TAFA2: variants seen among roughly 807,000 people sequenced by gnomAD.
TAFA2 encodes the protein chemokine-like protein TAFA-2.
In TAFA2, 7 loss-of-function variants were observed where a neutral mutation model predicts 18.8. The ratio of observed to expected loss-of-function variants is 0.37; its 90% CI spans 0.21 to 0.70. TAFA2 has a LOEUF of 0.70. Among genes scored for constraint, TAFA2 ranks in the 30% least tolerant of loss-of-function variants. The pLI, the probability that TAFA2 is intolerant of heterozygous loss-of-function variation, is 0.53. For synonymous variants in TAFA2, 60 were observed against 54.2 expected (o/e 1.11, Z -0.47); for missense variants, 122 against 158.1 (o/e 0.77, Z 1.23).
intron 1 of TAFA2, among the ~76,000 whole-genome samples, chr12:62,123,052 A>C (rs1262885239): frequency 2.0e-5 from 3 of 152,134 alleles, no homozygotes; most frequent in Non-Finnish European, 4.4e-5. Flanking sequence ...CTGAACACCT[A>C]TTTCATATTC....
chr12:61,792,915 T>A (rs2120932332), intron 2 of TAFA2, among the ~76,000 whole-genome samples: 1 of 151,722 alleles, frequency 6.6e-6, no homozygotes, highest in Middle Eastern at 3.4e-3. Flanking sequence ...ATCAATAAGC[T>A]TGACCTAATT....
chr12:62,221,212 AG>A (rs142567154), intron 1 of TAFA2, among the ~76,000 whole-genome samples: 10,018 of 78,442 alleles, frequency 0.13, 576 homozygotes, highest in Non-Finnish European at 0.16. Flanking sequence ...GAAGGAAGGA[AG>A]GGGGGAAGGA....
At chr12:61,888,798 A>G (rs1326176866) in intron 1 of TAFA2, among the ~76,000 whole-genome samples, 1 of 152,248 alleles carries the variant, frequency 6.6e-6, no homozygotes, top group African/African-American at 2.4e-5. Context: ...GGTAATTGCC[A>G]GATTCTTAGT....
At chr12:61,863,507 G>A (rs138963804) in intron 2 of TAFA2, among the ~76,000 whole-genome samples, 22 of 152,240 alleles carry the variant, frequency 1.4e-4, no homozygotes, top group African/African-American at 5.3e-4. Context: ...AGAATGGCTG[G>A]GGGTAGGGTG....
intron 1 of TAFA2, among the ~76,000 whole-genome samples, chr12:62,099,155 T>C (rs1869077494): frequency 6.6e-6 from 1 of 152,098 alleles, no homozygotes; most frequent in African/African-American, 2.4e-5. Context: ...GAGTAAAAAC[T>C]GGTAAATCAC....
chr12:62,147,322 GTATGTATATA>G (rs1292419878), intron 1 of TAFA2, among the ~76,000 whole-genome samples: 1,519 of 49,250 alleles, frequency 0.031, 29 homozygotes, highest in African/African-American at 0.04. Flanking sequence ...GTGTGTGTAT[GTATGTATATA>G]TATATATATA....
chr12:62,222,987 A>C (rs2062770318), intron 1 of TAFA2, among the ~76,000 whole-genome samples: 1 of 152,180 alleles, frequency 6.6e-6, no homozygotes, highest in South Asian at 2.1e-4. Flanking sequence ...TATAAAGACA[A>C]TTTTAAAATG....
At chr12:61,772,553 T>C (rs1248511064) in intron 2 of TAFA2, among the ~76,000 whole-genome samples, 1 of 151,978 alleles carries the variant, frequency 6.6e-6, no homozygotes, top group Admixed American at 6.6e-5. Context: ...CAGGGATGGT[T>C]TAACATATGC....
At chr12:61,730,444 C>G (rs1236736010) in intron 4 of TAFA2, among the ~76,000 whole-genome samples, 1 of 152,036 alleles carries the variant, frequency 6.6e-6, no homozygotes, top group East Asian at 1.9e-4. Flanking sequence ...TATTGGGTTT[C>G]TCAGGCAATG....
At chr12:62,021,452 C>A (rs1291986845) in intron 1 of TAFA2, 26 of 438,308 alleles carry the variant, frequency 5.9e-5, no homozygotes, top group East Asian at 1.7e-4. Context: ...TCCCCCAAGA[C>A]CCCAAAGTCC....
At chr12:62,067,326 C>G (rs1882516342) in intron 1 of TAFA2, among the ~76,000 whole-genome samples, 1 of 151,476 alleles carries the variant, frequency 6.6e-6, no homozygotes, top group South Asian at 2.1e-4. Context: ...TGATGTGATC[C>G]CATTTGTTCA....
intron 1 of TAFA2, among the ~76,000 whole-genome samples, chr12:61,898,235 T>A (rs1008835789): frequency 2.6e-5 from 4 of 152,244 alleles, no homozygotes; most frequent in African/African-American, 9.6e-5. Context: ...GTTGAGTGTC[T>A]GCATCTTTTC....
rs2120529296 is a variant in TAFA2 at position 61,710,362 on chromosome 12, T to A, written c.*44A>T. 6.3e-7 allele frequency: 1 copy of A among 1,594,190 alleles called. No homozygotes were observed. The highest frequency in any genetic ancestry group is 8.6e-7 in the Non-Finnish European group (1 of 1,162,276). Reference sequence around the variant, plus strand: ...GAGTTGAGTTAAGTTTCTATGCGCATGTTCAATGTCATCAGCCTTGAGGAT... The same window carrying A: ...GAGTTGAGTTAAGTTTCTATGCGCAAGTTCAATGTCATCAGCCTTGAGGAT... On this transcript the variant is annotated 3_prime_UTR_variant, in exon 5 of 5. Transcript: ENST00000416284.
intron 1 of TAFA2, among the ~76,000 whole-genome samples, chr12:61,996,186 C>A (rs964865062): frequency 9.2e-5 from 14 of 152,048 alleles, no homozygotes; most frequent in African/African-American, 3.4e-4. Context: ...ATATACAGTG[C>A]AAAGTACTGG....
chr12:62,187,015 A>G (rs935123926), intron 1 of TAFA2, among the ~76,000 whole-genome samples: 1 of 152,178 alleles, frequency 6.6e-6, no homozygotes, highest in Non-Finnish European at 1.5e-5. Context: ...TTGGAGTATG[A>G]TATCAATATA....
intron 1 of TAFA2, among the ~76,000 whole-genome samples, chr12:61,902,356 C>A (rs762362687): frequency 3.9e-5 from 6 of 152,284 alleles, no homozygotes; most frequent in Middle Eastern, 3.4e-3. Flanking sequence ...AGATGGCATA[C>A]AATCAATGCT....
chr12:61,753,525 TC>T (rs1869118153), intron 4 of TAFA2, 96 bp downstream of exon 4: 3 of 1,136,400 alleles, frequency 2.6e-6, no homozygotes, highest in Non-Finnish European at 3.8e-6. Flanking sequence ...ACTATACTCT[TC>T]CATTCCACAA....
intron 1 of TAFA2, among the ~76,000 whole-genome samples, chr12:61,933,968 G>A (rs2121401422): frequency 6.6e-6 from 1 of 152,318 alleles, no homozygotes. Flanking sequence ...TTGAGTTGCA[G>A]TTCTGACAAA....
chr12:62,019,007 G>A (rs1284378636), intron 1 of TAFA2, among the ~76,000 whole-genome samples: 1 of 152,062 alleles, frequency 6.6e-6, no homozygotes, highest in Non-Finnish European at 1.5e-5. Flanking sequence ...ATCAACAAGT[G>A]GGCAAAGGAT....
Sources: allele counts gnomAD v4.1 joint callset (sites outside exome capture counted in the v4.1 genomes callset), GRCh38; gene constraint gnomAD v4.1.1; transcripts MANE v1.5; gene names NCBI Gene and HGNC (gene_info 2026-07-23, HGNC 2026-07-21).